The following CTNNA2 variants were observed in gnomAD, a reference collection of about 807,000 sequenced individuals.
The protein encoded by CTNNA2 is catenin alpha-2.
CTNNA2 carries 42 observed loss-of-function variants against 101.0 expected under a neutral mutation model. The ratio of observed to expected loss-of-function variants is 0.42; its 90% confidence interval spans 0.32 to 0.54. The LOEUF (loss-of-function observed/expected upper bound fraction) is 0.54. Among genes scored for constraint, CTNNA2 ranks in the 20% least tolerant of loss-of-function variants. The pLI is 0.14. For synonymous variants in CTNNA2, 450 were observed against 456.4 expected, an observed-to-expected ratio of 0.99 and a Z score of 0.18; for missense variants, 871 against 1,223.1, an observed-to-expected ratio of 0.71 and a Z score of 4.29.
intron 7 of CTNNA2, among the ~76,000 whole-genome samples, chr2:80,097,920 A>C (rs1700266425): frequency 6.6e-6 from 1 of 151,966 alleles, no homozygotes; most frequent in South Asian, 2.1e-4. Context: ...ATTTTTTTTC[A>C]AGGTTTTTAA....
intron 2 of CTNNA2, among the ~76,000 whole-genome samples, chr2:79,668,060 G>A (rs1050061277): frequency 6.6e-6 from 1 of 150,860 alleles, no homozygotes; most frequent in Non-Finnish European, 1.5e-5. Flanking sequence ...CTAACAAGGT[G>A]AAACCCCGTC....
At chr2:79,464,272 T>C (rs1371749636) in intron 4 of CTNNA2, among the ~76,000 whole-genome samples, 2 of 152,148 alleles carry the variant, frequency 1.3e-5, no homozygotes, top group South Asian at 2.1e-4. Context: ...CTCAGAATGA[T>C]GGTTTCCAGC....
intron 7 of CTNNA2, among the ~76,000 whole-genome samples, chr2:80,015,406 A>G (rs1158852205): frequency 1.3e-5 from 2 of 152,170 alleles, no homozygotes; most frequent in African/African-American, 2.4e-5. Context: ...GCATCAAGCA[A>G]TGGAACCATC....
At chr2:80,522,715 C>T (rs568740682) in intron 9 of CTNNA2, among the ~76,000 whole-genome samples, 5 of 152,200 alleles carry the variant, frequency 3.3e-5, no homozygotes, top group African/African-American at 9.6e-5. Flanking sequence ...TTGCCAGCCA[C>T]GTGAAGACGG....
At chr2:80,092,207 A>C (rs1194486044) in intron 7 of CTNNA2, among the ~76,000 whole-genome samples, 2 of 152,130 alleles carry the variant, frequency 1.3e-5, no homozygotes. Context: ...GTGGCCTCCT[A>C]GAACAAGGCA....
chr2:79,556,747 C>G (rs546972504), intron 1 of CTNNA2, among the ~76,000 whole-genome samples: 7 of 152,080 alleles, frequency 4.6e-5, no homozygotes, highest in Non-Finnish European at 1.0e-4. Context: ...TACTGCCTCC[C>G]CTAATTATTT....
At chr2:79,220,071 T>C (rs771088366) in intron 2 of CTNNA2, among the ~76,000 whole-genome samples, 2 of 152,158 alleles carry the variant, frequency 1.3e-5, no homozygotes, top group African/African-American at 2.4e-5. Flanking sequence ...TAAATTCTAG[T>C]ATATTTTGCA....
At chr2:80,570,327 G>T (rs956799426) in intron 12 of CTNNA2, among the ~76,000 whole-genome samples, 1 of 152,232 alleles carries the variant, frequency 6.6e-6, no homozygotes, top group Non-Finnish European at 1.5e-5. Context: ...GGAATTACAC[G>T]TGTGAGCCAC....
intron 1 of CTNNA2, among the ~76,000 whole-genome samples, chr2:79,187,270 C>CTTTTCTTTTTTTTTTT (rs1242631840): frequency 4.6e-5 from 3 of 65,440 alleles, no homozygotes; most frequent in African/African-American, 2.1e-4. Flanking sequence ...CTTTTCTTTT[C>CTTTTCTTTTTTTTTTT]TTTTTTTTTT....
intron 2 of CTNNA2, among the ~76,000 whole-genome samples, chr2:79,252,448 AC>A (rs1346237343): frequency 2.0e-5 from 3 of 152,124 alleles, no homozygotes; most frequent in Middle Eastern, 3.2e-3. Flanking sequence ...TATGGTTTTA[AC>A]TTTTAATATT....
intron 1 of CTNNA2, among the ~76,000 whole-genome samples, chr2:79,568,344 G>A (rs971973685): frequency 6.6e-6 from 1 of 152,176 alleles, no homozygotes; most frequent in Non-Finnish European, 1.5e-5. Context: ...GCTCACACCT[G>A]TAATCCCAGC....
At chr2:80,103,796 G>A (rs545024358) in intron 7 of CTNNA2, among the ~76,000 whole-genome samples, 51 of 152,248 alleles carry the variant, frequency 3.3e-4, no homozygotes, top group East Asian at 2.7e-3. Context: ...GTGCAGTGGC[G>A]TGATCTTGGC....
At chr2:79,390,990 G>C (rs775286956) in intron 4 of CTNNA2, among the ~76,000 whole-genome samples, 2 of 152,054 alleles carry the variant, frequency 1.3e-5, no homozygotes, top group African/African-American at 4.8e-5. Context: ...TGACTAAAAA[G>C]GTAGAAAAAA....
At chr2:79,890,955 A>G (rs1684259657) in intron 6 of CTNNA2, among the ~76,000 whole-genome samples, 2 of 148,506 alleles carry the variant, frequency 1.3e-5, no homozygotes, top group Non-Finnish European at 3.0e-5. Flanking sequence ...AATCCCATTG[A>G]TAAGGGTAGA....
chr2:80,069,539 A>G (rs1698192931), intron 7 of CTNNA2, among the ~76,000 whole-genome samples: 1 of 152,208 alleles, frequency 6.6e-6, no homozygotes, highest in Non-Finnish European at 1.5e-5. Flanking sequence ...TCCTTCCCCA[A>G]AAAAGAAGGT....
intron 4 of CTNNA2, among the ~76,000 whole-genome samples, chr2:79,482,584 C>T (rs1671120760): frequency 6.6e-6 from 1 of 151,812 alleles, no homozygotes; most frequent in Admixed American, 6.6e-5. Flanking sequence ...GGTCATACAC[C>T]CAAAAATGAG....
chr2:80,525,057 T>C (rs1346347895), intron 9 of CTNNA2, among the ~76,000 whole-genome samples: 2 of 152,118 alleles, frequency 1.3e-5, no homozygotes, highest in Admixed American at 6.5e-5. Flanking sequence ...ACACTTTTTT[T>C]TTTGTATGAC....
At chr2:80,339,577 A>G (rs1015738118) in intron 7 of CTNNA2, among the ~76,000 whole-genome samples, 2 of 152,196 alleles carry the variant, frequency 1.3e-5, no homozygotes, top group Non-Finnish European at 2.9e-5. Context: ...TAGAAATTGT[A>G]GGTACCTCAA....
chr2:80,219,756 G>A (rs1384142135), intron 7 of CTNNA2, among the ~76,000 whole-genome samples: 7 of 152,034 alleles, frequency 4.6e-5, no homozygotes, highest in African/African-American at 1.7e-4. Flanking sequence ...CCTCAATTTT[G>A]TGTCCATTAT....
Sources: allele counts gnomAD v4.1 joint callset (sites outside exome capture counted in the v4.1 genomes callset), GRCh38; gene constraint gnomAD v4.1.1; transcripts MANE v1.5; gene names NCBI Gene and HGNC (gene_info 2026-07-23, HGNC 2026-07-21).